Variants in GALNT15 observed in about 807,000 individuals in gnomAD.
GALNT15 encodes the protein UDP-GalNAc transferase T15.
GALNT15 carries 67 observed loss-of-function variants against 66.8 expected under a neutral mutation model. The ratio of observed to expected loss-of-function variants is 1.00; its 90% CI spans 0.82 to 1.23. The LOEUF (loss-of-function observed/expected upper bound fraction) is 1.23. GALNT15 is among the 50% of genes most tolerant of loss of function. GALNT15 has a pLI of 0.00. For missense variants in GALNT15, 827 were observed against 804.3 expected (o/e 1.03, Z -0.34); for synonymous variants, 313 against 311.5 (o/e 1.00, Z -0.05).
chr3:16,175,397 G>A lies in GALNT15; in HGVS notation c.246G>A (p.Glu82=). 6.2e-7 allele frequency: 1 copy of A among 1,614,214 alleles called. No individual in the cohort carries two copies. The highest frequency in any genetic ancestry group is 8.5e-7 in the Non-Finnish European group (1 of 1,180,034). ...AGGGTGAAGAGTACAGCCCTCTGGA[G>A]GGCCTGCCACCCTTTATCTCACTGC... ...EDEGEEYSPL[E]GLPPFISLRE... is the part of the protein sequence containing the mutation. Residue 82 remains glutamate, a synonymous_variant, in exon 1 of 10, where the codon GAG becomes GAA. Transcript: ENST00000339732. The surrounding 1 kb of genome is among the most constrained non-coding windows in gnomAD (Gnocchi z 5.6).
At chr3:16,197,798 A>T (rs575514684) in intron 2 of GALNT15, among the ~76,000 whole-genome samples, 33 of 152,332 alleles carry the variant, frequency 2.2e-4, no homozygotes, top group African/African-American at 7.9e-4. Flanking sequence ...TCTGGAGGGA[A>T]GGAGTTGAGG....
In GALNT15 at chr3:16,189,352, T is replaced by C. The variant is rs968487210; in HGVS notation, c.540-6408T>C. 6.6e-6 allele frequency among the ~76,000 whole-genome samples: 1 copy of C among 152,222 alleles called. No individual in the cohort carries two copies. The highest frequency in any genetic ancestry group is 1.5e-5 in the Non-Finnish European group (1 of 68,034). On this transcript the variant is annotated intron_variant, in intron 1 of 9. Coordinates refer to ENST00000339732, the MANE Select transcript of GALNT15 (RefSeq NM_054110.5). This position sits in a 1 kb window ranked among gnomAD's most constrained non-coding sequence, Gnocchi z 5.1. ...TCTCTGAGCATGGCACCCACTGGTG[T>C]TGGGCAATGCACCAGCCCTAGTGGT...
intron 6 of GALNT15, among the ~76,000 whole-genome samples, chr3:16,215,235 C>A (rs1426890255): frequency 6.6e-6 from 1 of 152,210 alleles, no homozygotes. Context: ...TTGTTCTAGA[C>A]AATTACAGAA....
Position 16,193,197 on chromosome 3 carries a change from G to T in GALNT15, c.540-2563G>T, listed in dbSNP as rs1559679448. On this transcript the variant is annotated intron_variant, in intron 1 of 9. Transcript: ENST00000339732. The surrounding 1 kb of genome is among the most constrained non-coding windows in gnomAD (Gnocchi z 4.7). ...CCTTGCATGTAACTTCTCTAATGGT[G>T]ATAATTCTGTTGCAGAATAAACATT... 6.6e-6 allele frequency among the ~76,000 whole-genome samples: 1 copy of T among 152,104 alleles called. No homozygotes were observed. Among genetic ancestry groups the T allele is most frequent in the Non-Finnish European group, 1.5e-5 (1 of 68,004 alleles).
At chr3:16,212,856 G>A (rs2063832132) in intron 6 of GALNT15, 93 bp downstream of exon 6, 1 of 1,106,770 alleles carries the variant, frequency 9.0e-7, no homozygotes, top group African/African-American at 1.6e-5. Flanking sequence ...GCCTGGAGGG[G>A]AAAACAGAAG....
chr3:16,216,461 T>C (rs898384814), intron 6 of GALNT15, among the ~76,000 whole-genome samples: 36 of 148,156 alleles, frequency 2.4e-4, no homozygotes, highest in African/African-American at 9.1e-4. Flanking sequence ...ATCGCCCCAC[T>C]GCACTTTAGC....
Position 16,186,384 on chromosome 3 carries a change from T to C in GALNT15, c.540-9376T>C, listed in dbSNP as rs1006329651. Among the ~76,000 whole-genome samples the C allele has an allele frequency of 1.3e-5, 2 of 152,164 alleles. No individual in the cohort carries two copies. The highest frequency in any genetic ancestry group is 4.8e-5 in the African/African-American group (2 of 41,446). On this transcript the variant is annotated intron_variant, in intron 1 of 9. Transcript: ENST00000339732. This position sits in a 1 kb window ranked among gnomAD's most constrained non-coding sequence, Gnocchi z 5.1. ...CTGCTTTGGAAAACAGTTTGGCAGTTCCCCAACATGTTAAACATGGAGCTA... is the reference window on the plus strand; with the variant it reads ...CTGCTTTGGAAAACAGTTTGGCAGTCCCCCAACATGTTAAACATGGAGCTA...
At chr3:16,220,869 T>A (rs1265357624) in intron 8 of GALNT15, among the ~76,000 whole-genome samples, 2 of 152,178 alleles carry the variant, frequency 1.3e-5, no homozygotes, top group Non-Finnish European at 2.9e-5. Flanking sequence ...ATAGGACATG[T>A]GGGAGGGAGA....
chr3:16,182,960 A>T lies in GALNT15; in HGVS notation c.539+7270A>T, dbSNP rs1033794965. ...CTAAAGCTCACACTTCTTGAGATGG[A>T]GGATCTGGCAGGTTTCTCTGGCCGC... On this transcript the variant is annotated intron_variant, in intron 1 of 9. Transcript: ENST00000339732. This position sits in a 1 kb window ranked among gnomAD's most constrained non-coding sequence, Gnocchi z 6.1. The T allele has an allele frequency of 6.6e-6, 1 of 152,262 alleles. No individual in the cohort carries two copies. The highest frequency in any genetic ancestry group is 2.4e-5 in the African/African-American group (1 of 41,422). 9.4% of individuals were successfully genotyped at this position (152,262 alleles called of 1,614,324 possible). A position where few individuals can be genotyped will look rare whatever the true frequency, so the allele number is the denominator to read the frequency against.
At chr3:16,240,602 G>T in the GALNT15 span, among the ~76,000 whole-genome samples, 1 of 152,208 alleles carries the variant, frequency 6.6e-6, no homozygotes, top group East Asian at 1.9e-4. Context: ...CTGCCATGGG[G>T]ATATGCCCAG....
At chr3:16,197,446 C>CT (rs1221724250) in intron 2 of GALNT15, among the ~76,000 whole-genome samples, 1 of 152,218 alleles carries the variant, frequency 6.6e-6, no homozygotes, top group African/African-American at 2.4e-5. Context: ...TCCCTCTCCT[C>CT]TGTGTGCTTG....
In GALNT15 at chr3:16,175,470, A is replaced by G. The variant is rs201534544; in HGVS notation, c.319A>G (p.Asn107Asp). Residue 107 changes from asparagine (N) to aspartate (D), a missense_variant, in exon 1 of 10, where the codon AAC becomes GAC. Physicochemically the swap from Asn to Asp is conservative, Grantham distance 23 (BLOSUM62 1). Coordinates refer to ENST00000339732, the MANE Select transcript of GALNT15 (RefSeq NM_054110.5). This position sits in a 1 kb window ranked among gnomAD's most constrained non-coding sequence, Gnocchi z 5.6. ...VAVALPQARR[N>D]QSQGRRGGSY... ...CGTGGCCTTACCCCAGGCCAGAAGG[A>G]ACCAGAGCCAGGGCAGGAGAGGTGG... 50 of 1,614,042 alleles carry G rather than the reference A, an allele frequency of 3.1e-5. No individual in the cohort carries two copies. Among genetic ancestry groups the G allele is most frequent in the Non-Finnish European group, 4.2e-5 (50 of 1,179,950 alleles).
At position 16,219,325 on chromosome 3, in the gene GALNT15, A is replaced by T. The variant is rs2063915456; in HGVS notation, c.1393-78A>T. On this transcript the variant is annotated intron_variant, in intron 6 of 9. Transcript: ENST00000339732. The surrounding 1 kb of genome is among the most constrained non-coding windows in gnomAD (Gnocchi z 4.3). Reference sequence around the variant, plus strand: ...TGTCCTGATCCTTTAGCTTCTTCCCAGCCACTCCATCCCCAACCATGTGAA... The same window carrying T: ...TGTCCTGATCCTTTAGCTTCTTCCCTGCCACTCCATCCCCAACCATGTGAA... 10 of 1,570,614 alleles carry T rather than the reference A, an allele frequency of 6.4e-6. No individual in the cohort carries two copies. The South Asian group carries it at 1.1e-4, about 17-fold the overall frequency.
rs1279277311 is a variant in GALNT15 at position 16,176,135 on chromosome 3, G to T, written c.539+445G>T. On this transcript the variant is annotated intron_variant, in intron 1 of 9. Transcript: ENST00000339732. This position sits in a 1 kb window ranked among gnomAD's most constrained non-coding sequence, Gnocchi z 5.6. Reference sequence around the variant, plus strand: ...GACTCCACTACATTTTGATTTTAGGGTTATTGTTAGTGTTTGCTTTTAGTT... The same window carrying T: ...GACTCCACTACATTTTGATTTTAGGTTTATTGTTAGTGTTTGCTTTTAGTT... Among the ~76,000 whole-genome samples the T allele has an allele frequency of 6.6e-6, 1 of 152,164 alleles. No individual in the cohort carries two copies. The highest frequency in any genetic ancestry group is 1.5e-5 in the Non-Finnish European group (1 of 68,022).
downstream of GALNT15, among the ~76,000 whole-genome samples, chr3:16,230,500 T>C (rs540150919): frequency 1.7e-4 from 26 of 152,260 alleles, no homozygotes; most frequent in Admixed American, 9.8e-4. This position sits in a 1 kb window ranked among gnomAD's most constrained non-coding sequence, Gnocchi z 4.5. Flanking sequence ...AAAAAGCCAG[T>C]TGGACACCAA....
the GALNT15 span, among the ~76,000 whole-genome samples, chr3:16,240,924 T>C: frequency 6.6e-6 from 1 of 152,126 alleles, no homozygotes; most frequent in African/African-American, 2.4e-5. Context: ...AACACCAAAG[T>C]TTTTGTAGTT....
intron 3 of GALNT15, among the ~76,000 whole-genome samples, chr3:16,206,037 G>A (rs1477348341): frequency 6.6e-6 from 1 of 152,182 alleles, no homozygotes; most frequent in Non-Finnish European, 1.5e-5. Flanking sequence ...ATGAATTTTA[G>A]AATTCTCATT....
chr3:16,232,516 T>TATATATATATAAA (rs55860294), downstream of GALNT15, among the ~76,000 whole-genome samples: 2 of 57,166 alleles, frequency 3.5e-5, no homozygotes, highest in South Asian at 1.3e-3. Context: ...ATATATTTAT[T>TATATATATATAAA]TAAAAGAGAC....
chr3:16,236,436 T>C (rs1032596717), downstream of GALNT15, among the ~76,000 whole-genome samples: 5 of 152,356 alleles, frequency 3.3e-5, no homozygotes, highest in Admixed American at 2.0e-4. Context: ...CATGGCTGTA[T>C]TCCAATAAAA....
Sources: gnomAD v4.1 joint callset for allele counts (sites outside exome capture counted in the v4.1 genomes callset) on GRCh38, gnomAD v4.1.1 for gene constraint, Gnocchi (gnomAD v3.1) non-coding constraint, MANE v1.5 for transcripts, NCBI Gene and HGNC (gene_info 2026-07-23, HGNC 2026-07-21) for gene names.